The following SIPA1L3 variants were observed in gnomAD, a reference collection of about 807,000 sequenced individuals.
SIPA1L3 encodes signal-induced proliferation-associated 1-like protein 3.
A neutral mutation model predicts 150.1 loss-of-function variants in SIPA1L3; 59 were observed. The ratio of observed to expected loss-of-function variants is 0.39; its 90% CI spans 0.32 to 0.49. SIPA1L3 has a LOEUF of 0.49. SIPA1L3 is among the 20% of genes least tolerant of loss of function. The pLI is 0.86. For missense variants in SIPA1L3, 2,211 were observed against 2,489.5 expected (o/e 0.89, Z 2.38); for synonymous variants, 1,070 against 1,077.6 (o/e 0.99, Z 0.14).
At chr19:38,090,330 CAAAAA>C (rs55941671) in intron 4 of SIPA1L3, among the ~76,000 whole-genome samples, 1 of 70,364 alleles carries the variant, frequency 1.4e-5, no homozygotes. Context: ...AACTCCATCT[CAAAAA>C]AAAAAAAAAA....
At chr19:38,009,474 G>A (rs1043533510) in intron 1 of SIPA1L3, among the ~76,000 whole-genome samples, 2 of 152,076 alleles carry the variant, frequency 1.3e-5, no homozygotes, top group African/African-American at 4.8e-5. Flanking sequence ...ATGAGGAGTC[G>A]AGGATGTTGT....
At chr19:38,012,513 G>A (rs1968128579) in intron 1 of SIPA1L3, among the ~76,000 whole-genome samples, 1 of 152,080 alleles carries the variant, frequency 6.6e-6, no homozygotes, top group South Asian at 2.1e-4. Context: ...TGGGGTGAGG[G>A]GCAGAACTGT....
chr19:38,200,735 C>T (rs1379492586), intron 19 of SIPA1L3: 1 of 151,830 alleles, frequency 6.6e-6, no homozygotes, highest in African/African-American at 2.4e-5. Context: ...CGAGACCAGC[C>T]TGACCAACAT....
chr19:38,131,943 C>T (rs553509349), intron 10 of SIPA1L3, among the ~76,000 whole-genome samples: 56 of 151,876 alleles, frequency 3.7e-4, no homozygotes, highest in Non-Finnish European at 7.2e-4. Context: ...ACAGCAATTT[C>T]GTAGTGTCAA....
chr19:38,191,639 C>G (rs1016242445), intron 16 of SIPA1L3, among the ~76,000 whole-genome samples: 1 of 152,052 alleles, frequency 6.6e-6, no homozygotes, highest in South Asian at 2.1e-4. Flanking sequence ...ATGGAGAAAC[C>G]CTGTCTCTAC....
intron 1 of SIPA1L3, among the ~76,000 whole-genome samples, chr19:37,997,289 C>T (rs1967656829): frequency 6.6e-6 from 1 of 151,984 alleles, no homozygotes; most frequent in African/African-American, 2.4e-5. Context: ...TTCTTTGGGC[C>T]GGGCACGGTG....
chr19:38,117,580 T>C (rs28380555), intron 8 of SIPA1L3, among the ~76,000 whole-genome samples: 4,303 of 151,386 alleles, frequency 0.028, 205 homozygotes, highest in African/African-American at 0.099. Flanking sequence ...GATTGTGCCA[T>C]TGTACTCCAG....
At chr19:38,187,427 G>T (rs572018789) in intron 16 of SIPA1L3, among the ~76,000 whole-genome samples, 1 of 151,796 alleles carries the variant, frequency 6.6e-6, no homozygotes, top group East Asian at 2.0e-4. Flanking sequence ...ACTACAGCCT[G>T]GGCAACAAGA....
At chr19:38,183,244 C>A (rs541897118) in intron 16 of SIPA1L3, among the ~76,000 whole-genome samples, 74 of 152,094 alleles carry the variant, frequency 4.9e-4, no homozygotes, top group African/African-American at 1.7e-3. Context: ...AGAGAGGGGG[C>A]AGGATCTAAA....
intron 1 of SIPA1L3, among the ~76,000 whole-genome samples, chr19:38,013,842 A>G (rs1021738232): frequency 6.6e-6 from 1 of 152,260 alleles, no homozygotes; most frequent in Non-Finnish European, 1.5e-5. Flanking sequence ...CTCTTGGCCT[A>G]TCAGCTGCTA....
In SIPA1L3 at chr19:38,068,325, G is replaced by A. The variant is rs540265681; in HGVS notation, c.-310-12931G>A. On this transcript the variant is annotated intron_variant, in intron 2 of 21. Transcript: ENST00000222345. Reference sequence around the variant, plus strand: ...ATTACAGGCGTGAGCCACCACGCCCGGCCGAAAAATCAGATTCTTAACGTG... The same window carrying A: ...ATTACAGGCGTGAGCCACCACGCCCAGCCGAAAAATCAGATTCTTAACGTG... Among the ~76,000 whole-genome samples the A allele has an allele frequency of 5.9e-5, 9 of 152,204 alleles. No individual in the cohort carries two copies. In the South Asian group the frequency reaches 1.7e-3, roughly 28 times the overall value.
Position 38,164,797 on chromosome 19 carries a change from C to T in SIPA1L3, c.4099C>T (p.Pro1367Ser). The T allele has an allele frequency of 6.2e-7, 1 of 1,611,642 alleles. No homozygotes were observed. The highest frequency in any genetic ancestry group is 8.5e-7 in the Non-Finnish European group (1 of 1,178,944). The change falls in exon 15 of 22, where the codon CCC (proline) becomes TCC (serine). Residue 1367 changes from proline to serine, a missense_variant. Physicochemically the swap from Pro to Ser is moderately conservative, Grantham distance 74. Coordinates refer to ENST00000222345, the MANE Select transcript of SIPA1L3 (RefSeq NM_015073.3). This position sits in a 1 kb window ranked among gnomAD's most constrained non-coding sequence, Gnocchi z 4.1. ...ADRRREVSPA[P>S]AVAGQSKGYR... The stretch of plus-strand genomic sequence containing the variant: ...CAGGCGGCGGGAGGTCTCCCCTGCC[C>T]CCGCAGTTGCCGGCCAAAGCAAGGG...
At chr19:37,954,261 A>G (rs1402634708) in intron 1 of SIPA1L3, among the ~76,000 whole-genome samples, 2 of 152,108 alleles carry the variant, frequency 1.3e-5, no homozygotes, top group African/African-American at 2.4e-5. Flanking sequence ...TCATGATCCT[A>G]CTATGGTTCA....
chr19:38,104,979 C>T (rs537311275), intron 6 of SIPA1L3, among the ~76,000 whole-genome samples: 1 of 152,260 alleles, frequency 6.6e-6, no homozygotes, highest in South Asian at 2.1e-4. Context: ...CTGGGTGTTA[C>T]CCGGCTCCCA....
At chr19:37,945,550 T>A (rs1250870471) in intron 1 of SIPA1L3, among the ~76,000 whole-genome samples, 1 of 152,080 alleles carries the variant, frequency 6.6e-6, no homozygotes, top group African/African-American at 2.4e-5. Flanking sequence ...TATTTTTTTT[T>A]ATTATACATC....
intron 7 of SIPA1L3, 89 bp from the exon 8 acceptor site, chr19:38,110,137 TG>T: frequency 1.7e-6 from 2 of 1,182,716 alleles, no homozygotes; most frequent in Non-Finnish European, 1.2e-6. Flanking sequence ...GGAATGGGGG[TG>T]GGTGGGGGGA....
At chr19:38,062,108 G>C (rs908599101) in intron 2 of SIPA1L3, among the ~76,000 whole-genome samples, 3 of 151,848 alleles carry the variant, frequency 2.0e-5, no homozygotes, top group Admixed American at 6.6e-5. Flanking sequence ...TGCCCTATGG[G>C]GATCATCTTG....
chr19:38,148,500 G>C (rs1477087883), intron 12 of SIPA1L3, among the ~76,000 whole-genome samples: 1 of 152,160 alleles, frequency 6.6e-6, no homozygotes, highest in Non-Finnish European at 1.5e-5. Context: ...GTGGAATCTG[G>C]GCAAGCAGGA....
intron 20 of SIPA1L3, among the ~76,000 whole-genome samples, chr19:38,203,451 G>GA (rs1568610363): frequency 6.6e-6 from 1 of 151,828 alleles, no homozygotes; most frequent in East Asian, 1.9e-4. Flanking sequence ...CTCCAAGCAG[G>GA]AAAGGGCTGC....
Sources: allele counts gnomAD v4.1 joint callset (sites outside exome capture counted in the v4.1 genomes callset), GRCh38; gene constraint gnomAD v4.1.1; non-coding constraint Gnocchi (gnomAD v3.1); transcripts MANE v1.5; gene names NCBI Gene and HGNC (gene_info 2026-07-23, HGNC 2026-07-21).